Variants in NOS1 observed in about 807,000 individuals in gnomAD.
NOS1 encodes NOS type I.
NOS1 carries 51 observed loss-of-function variants against 164.5 expected under a neutral mutation model. The observed-to-expected ratio is 0.31, with a 90% CI of 0.25 to 0.39. The LOEUF (loss-of-function observed/expected upper bound fraction) is 0.39, where lower values mean the gene tolerates loss of function less well. Among genes scored for constraint, NOS1 ranks in the 10% least tolerant of loss-of-function variants. The pLI is 1.00. For synonymous variants in NOS1, 719 were observed against 745.8 expected (o/e 0.96, Z 0.59); for missense variants, 1,362 against 1,885.6 (o/e 0.72, Z 5.14).
chr12:117,272,633 C>T lies in NOS1; in HGVS notation c.1665-74G>A. The stretch of plus-strand genomic sequence containing the variant: ...GCGGGACAGCTTGAATCTAGAGATG[C>T]TGAAATGCCAAGGATGGACTGGGAC... On this transcript the variant is annotated intron_variant, in intron 9 of 28. Coordinates refer to ENST00000317775, the MANE Select transcript of NOS1 (RefSeq NM_000620.5). The surrounding 1 kb of genome is among the most constrained non-coding windows in gnomAD (Gnocchi z 4.3). The T allele has an allele frequency of 7.1e-7, 1 of 1,417,136 alleles. No individual in the cohort carries two copies. The highest frequency in any genetic ancestry group is 9.7e-7 in the Non-Finnish European group (1 of 1,028,078). The allele number at this position is 1,417,136 out of a possible 1,614,324, so 87.8% of individuals were successfully genotyped here.
chr12:117,329,662 T>A (rs1157205293), intron 2 of NOS1, among the ~76,000 whole-genome samples: 1 of 152,126 alleles, frequency 6.6e-6, no homozygotes, highest in Non-Finnish European at 1.5e-5. Context: ...GCTTTCCACC[T>A]GCAGAGAATT....
chr12:117,330,027 T>G lies in NOS1; in HGVS notation c.725+318A>C, dbSNP rs1057168394. ...GTCTTCTCACTTGTGAAACATAGATTGCAAAAATGCAAGTAAGTTTCCTGG... is the reference window on the plus strand; with the variant it reads ...GTCTTCTCACTTGTGAAACATAGATGGCAAAAATGCAAGTAAGTTTCCTGG... On this transcript the variant is annotated intron_variant, in intron 2 of 28. Transcript: ENST00000317775. The surrounding 1 kb of genome is among the most constrained non-coding windows in gnomAD (Gnocchi z 4.6). 2.0e-5 allele frequency among the ~76,000 whole-genome samples: 3 copies of G among 152,104 alleles called. No homozygotes were observed. The highest frequency in any genetic ancestry group is 4.4e-5 in the Non-Finnish European group (3 of 68,028).
chr12:117,254,517 C>T (rs1281311290), intron 16 of NOS1, among the ~76,000 whole-genome samples: 1 of 152,196 alleles, frequency 6.6e-6, no homozygotes, highest in Admixed American at 6.5e-5. Context: ...CTAACGAGCT[C>T]CCAGGAGATG....
chr12:117,275,404 G>A (rs1202258350), intron 9 of NOS1, among the ~76,000 whole-genome samples: 2 of 152,204 alleles, frequency 1.3e-5, no homozygotes, highest in African/African-American at 4.8e-5. Context: ...GGAACTGAAA[G>A]TTAAACACTG....
intron 20 of NOS1, among the ~76,000 whole-genome samples, chr12:117,240,077 G>A (rs1348470071): frequency 6.6e-6 from 1 of 152,110 alleles, no homozygotes; most frequent in African/African-American, 2.4e-5. Context: ...CTGTAAGCTG[G>A]TCTTTCATAG....
At position 117,263,921 on chromosome 12, in the gene NOS1, C is replaced by T. The variant is rs759458352; in HGVS notation, c.2190G>A (p.Lys730=). 2.0e-5 allele frequency: 33 copies of T among 1,613,882 alleles called. No individual in the cohort carries two copies. The South Asian group carries it at 3.6e-4, about 18-fold the overall frequency. Residue 730 remains lysine (K), a synonymous_variant, in exon 13 of 29, where the codon AAG becomes AAA. Coordinates refer to ENST00000317775, the MANE Select transcript of NOS1 (RefSeq NM_000620.5). ...GCTTCTTGAAGCCAATGGCTCGCCG[C>T]TTTGTGGGGGTCCCGTTGGTGCCTT... ...VWKGTNGTPT[K]RRAIGFKKLA... is the part of the protein sequence containing the mutation.
In NOS1 at chr12:117,243,615, T is replaced by C. The variant is rs566595565; in HGVS notation, c.2824-180A>G. Among the ~76,000 whole-genome samples, 30 of 143,910 alleles carry C rather than the reference T, an allele frequency of 2.1e-4. No individual in the cohort carries two copies. Among genetic ancestry groups the C allele is most frequent in the African/African-American group, 6.5e-4 (25 of 38,642 alleles). The allele number at this position is 143,910 out of a possible 152,430, so 94.4% of individuals were successfully genotyped here. On this transcript the variant is annotated intron_variant, in intron 18 of 28. Coordinates refer to ENST00000317775, the MANE Select transcript of NOS1 (RefSeq NM_000620.5). This position sits in a 1 kb window ranked among gnomAD's most constrained non-coding sequence, Gnocchi z 4.3. ...CAGTAACCCTTCCCTCCTTCCCTTCTTCCTTCCCTTCCTTTCTTCCCTCTA... is the reference window on the plus strand; with the variant it reads ...CAGTAACCCTTCCCTCCTTCCCTTCCTCCTTCCCTTCCTTTCTTCCCTCTA...
At chr12:117,270,109 A>C (rs539904486) in intron 10 of NOS1, among the ~76,000 whole-genome samples, 3 of 152,374 alleles carry the variant, frequency 2.0e-5, no homozygotes, top group African/African-American at 7.2e-5. Context: ...TGCATGTTAC[A>C]GCCAAGGCAG....
In NOS1 at chr12:117,280,817, G is replaced by T. The variant is rs1309851854; in HGVS notation, c.1432C>A (p.Arg478=). ...PQRTDGKHDF[R]VWNSQLIRYA... ...CGGATGAGCTGGGAGTTCCAGACTC[G>T]GAAGTCGTGCTTGCCGTCTGTCCTC... The change falls in exon 8 of 29, where the codon CGA becomes AGA. Residue 478 remains arginine, a synonymous_variant. Coordinates refer to ENST00000317775, the MANE Select transcript of NOS1 (RefSeq NM_000620.5). 6.2e-7 allele frequency: 1 copy of T among 1,614,076 alleles called. No individual in the cohort carries two copies. Among genetic ancestry groups the T allele is most frequent in the Non-Finnish European group, 8.5e-7 (1 of 1,180,052 alleles).
Position 117,272,771 on chromosome 12 carries a change from A to G in NOS1, c.1665-212T>C, listed in dbSNP as rs1036488317. Among the ~76,000 whole-genome samples, 2 of 152,102 alleles carry G rather than the reference A, an allele frequency of 1.3e-5. No homozygotes were observed. Among genetic ancestry groups the G allele is most frequent in the African/African-American group, 4.8e-5 (2 of 41,414 alleles). ...TTAACGTATTTCTCAGGTGCTTCGG[A>G]TGGATATTCAGGCCTGGAAACTACT... On this transcript the variant is annotated intron_variant, in intron 9 of 28. Transcript: ENST00000317775. The surrounding 1 kb of genome is among the most constrained non-coding windows in gnomAD (Gnocchi z 4.3).
intron 16 of NOS1, among the ~76,000 whole-genome samples, chr12:117,256,296 T>TTTTTTTTTG (rs1871449297): frequency 6.7e-6 from 1 of 149,686 alleles, no homozygotes. Flanking sequence ...TTTTTTTTTT[T>TTTTTTTTTG]GAGACGGAGT....
intron 7 of NOS1, among the ~76,000 whole-genome samples, 186 bp downstream of exon 7, chr12:117,285,055 A>AAT (rs1874001497): frequency 6.6e-6 from 1 of 151,124 alleles, no homozygotes; most frequent in Admixed American, 6.6e-5. Flanking sequence ...GTCTCAAAAA[A>AAT]AAAAATAAAT....
intron 1 of NOS1, among the ~76,000 whole-genome samples, chr12:117,357,446 C>T (rs1389934940): frequency 6.6e-6 from 1 of 152,172 alleles, no homozygotes; most frequent in African/African-American, 2.4e-5. Context: ...CCGGCATTTA[C>T]GGGGCTTGTA....
intron 21 of NOS1, among the ~76,000 whole-genome samples, chr12:117,232,898 C>G (rs1004848977): frequency 3.3e-5 from 5 of 151,916 alleles, no homozygotes; most frequent in African/African-American, 1.2e-4. Flanking sequence ...GAGACAGGGT[C>G]TCACTCTGTT....
chr12:117,244,225 A>G lies in NOS1; in HGVS notation c.2824-790T>C, dbSNP rs9658473. Among the ~76,000 whole-genome samples the G allele has an allele frequency of 3.9e-3, 592 of 152,014 alleles. 4 individuals are homozygous for G. The highest frequency in any genetic ancestry group is 0.013 in the African/African-American group (521 of 41,450). ...GCTCACTTGTTCTTTGACTTTAACA[A>G]TTCTAAGAATTGCTGTCCTTATTTA... On this transcript the variant is annotated intron_variant, in intron 18 of 28. Coordinates refer to ENST00000317775, the MANE Select transcript of NOS1 (RefSeq NM_000620.5).
At chr12:117,268,240 CT>C (rs1301263915) in intron 10 of NOS1, 96 bp from the exon 11 acceptor site, 221 of 848,802 alleles carry the variant, frequency 2.6e-4, no homozygotes, top group Admixed American at 6.3e-4. Flanking sequence ...AATTTCTTTT[CT>C]TTTTTTTTAA....
chr12:117,348,711 T>C (rs1876475870), intron 1 of NOS1, among the ~76,000 whole-genome samples: 1 of 152,172 alleles, frequency 6.6e-6, no homozygotes, highest in Admixed American at 6.6e-5. Context: ...CTTGATCTAA[T>C]CATGAAAACA....
intron 4 of NOS1, 113 bp from the exon 5 acceptor site, chr12:117,288,332 C>T (rs1311232581): frequency 6.1e-6 from 6 of 975,776 alleles, no homozygotes; most frequent in Non-Finnish European, 9.0e-6. Flanking sequence ...CCTTAATTCC[C>T]AGAGGCAGTT....
At chr12:117,351,338 C>T (rs1036888279) in intron 1 of NOS1, among the ~76,000 whole-genome samples, 1 of 152,184 alleles carries the variant, frequency 6.6e-6, no homozygotes, top group Non-Finnish European at 1.5e-5. Context: ...CTCCATTCCA[C>T]CACCCAAAGG....
Sources: allele counts gnomAD v4.1 joint callset (sites outside exome capture counted in the v4.1 genomes callset), GRCh38; gene constraint gnomAD v4.1.1; non-coding constraint Gnocchi (gnomAD v3.1); transcripts MANE v1.5; gene names NCBI Gene and HGNC (gene_info 2026-07-23, HGNC 2026-07-21).